Variants in GPC5 observed in about 807,000 individuals in gnomAD.
GPC5 encodes glypican-5.
A neutral mutation model predicts 53.9 loss-of-function variants in GPC5; 47 were observed. That is an observed-to-expected ratio of 0.87 (90% CI 0.69 to 1.11). The LOEUF (loss-of-function observed/expected upper bound fraction) is 1.11. GPC5 is among the 50% of genes most tolerant of loss of function. GPC5 has a pLI of 0.00. For missense variants in GPC5, 748 were observed against 713.1 expected (o/e 1.05, Z -0.56); for synonymous variants, 286 against 263.3 (o/e 1.09, Z -0.84).
intron 3 of GPC5, among the ~76,000 whole-genome samples, chr13:91,721,707 TAG>T (rs545083378): frequency 4.9e-4 from 75 of 152,316 alleles, no homozygotes; most frequent in Middle Eastern, 6.8e-3. Context: ...TCTTCTATTT[TAG>T]AGTTGTTCTC....
intron 6 of GPC5, among the ~76,000 whole-genome samples, chr13:92,004,975 A>G (rs2040593195): frequency 6.6e-6 from 1 of 152,170 alleles, no homozygotes; most frequent in African/African-American, 2.4e-5. Flanking sequence ...CCACACTGGC[A>G]GCTGATTAGA....
At chr13:91,728,721 C>T in intron 4 of GPC5, 56 bp downstream of exon 4, 1 of 1,527,646 alleles carries the variant, frequency 6.5e-7, no homozygotes, top group Non-Finnish European at 8.9e-7. Flanking sequence ...ATTAATTTTA[C>T]AACAGAATAG....
intron 7 of GPC5, among the ~76,000 whole-genome samples, chr13:92,602,203 T>C (rs1884082631): frequency 1.6e-5 from 2 of 126,634 alleles, no homozygotes; most frequent in Admixed American, 1.8e-4. Context: ...TATAAATATA[T>C]ATATTACATA....
intron 7 of GPC5, among the ~76,000 whole-genome samples, chr13:92,378,593 A>G (rs184535252): frequency 1.3e-5 from 2 of 152,348 alleles, no homozygotes; most frequent in African/African-American, 4.8e-5. Context: ...CAAAACCATG[A>G]TAGAACTTTT....
intron 7 of GPC5, among the ~76,000 whole-genome samples, chr13:92,184,232 C>T (rs1460599582): frequency 6.6e-6 from 1 of 152,072 alleles, no homozygotes; most frequent in African/African-American, 2.4e-5. Context: ...CATAAGAAAT[C>T]TCTCATTAAT....
At chr13:92,118,427 G>A (rs1250422881) in intron 6 of GPC5, among the ~76,000 whole-genome samples, 1 of 152,116 alleles carries the variant, frequency 6.6e-6, no homozygotes, top group Non-Finnish European at 1.5e-5. Flanking sequence ...GATGATGAGA[G>A]AGATTCTCTC....
intron 7 of GPC5, among the ~76,000 whole-genome samples, chr13:92,634,138 A>G (rs1566333279): frequency 6.6e-6 from 1 of 152,048 alleles, no homozygotes; most frequent in Non-Finnish European, 1.5e-5. Context: ...GGAATGCTCA[A>G]TTCAATTTGC....
chr13:91,520,674 G>GTGTATATATATGTGTGTATATA (rs1164203392), intron 2 of GPC5, among the ~76,000 whole-genome samples: 2 of 151,794 alleles, frequency 1.3e-5, no homozygotes, highest in African/African-American at 2.4e-5. Context: ...GTATATATGT[G>GTGTATATATATGTGTGTATATA]TGTATATATA....
chr13:91,579,364 C>G (rs1293329649), intron 2 of GPC5, among the ~76,000 whole-genome samples: 1 of 152,166 alleles, frequency 6.6e-6, no homozygotes, highest in Non-Finnish European at 1.5e-5. Flanking sequence ...CGGACCATAA[C>G]TTTACCCATG....
At chr13:92,426,263 T>TATACCCATGGTGA (rs1431133811) in intron 7 of GPC5, among the ~76,000 whole-genome samples, 1 of 152,080 alleles carries the variant, frequency 6.6e-6, no homozygotes, top group Non-Finnish European at 1.5e-5. Context: ...CACTCTATAT[T>TATACCCATGGTGA]ATACCCATGG....
At chr13:91,841,745 G>A (rs73609312) in intron 5 of GPC5, among the ~76,000 whole-genome samples, 4,155 of 152,238 alleles carry the variant, frequency 0.027, 195 homozygotes, top group African/African-American at 0.094. Flanking sequence ...AAGAAAGGAT[G>A]GGAGGAAGGA....
intron 5 of GPC5, among the ~76,000 whole-genome samples, chr13:91,897,496 G>A (rs1391107539): frequency 6.6e-6 from 1 of 152,044 alleles, no homozygotes; most frequent in Non-Finnish European, 1.5e-5. Context: ...TCAGAGAGGT[G>A]TTCATAATGA....
chr13:91,538,130 T>C (rs1886672203), intron 2 of GPC5, among the ~76,000 whole-genome samples: 1 of 152,234 alleles, frequency 6.6e-6, no homozygotes, highest in Non-Finnish European at 1.5e-5. Flanking sequence ...CATTTGTCCA[T>C]AGATTAGAGG....
intron 6 of GPC5, among the ~76,000 whole-genome samples, chr13:91,949,912 A>G (rs2040010170): frequency 6.6e-6 from 1 of 152,224 alleles, no homozygotes; most frequent in Non-Finnish European, 1.5e-5. Flanking sequence ...GTCTTTAGCT[A>G]ACAGGAACCT....
chr13:92,752,834 G>C (rs1331683559), intron 7 of GPC5, among the ~76,000 whole-genome samples: 1 of 152,160 alleles, frequency 6.6e-6, no homozygotes, highest in African/African-American at 2.4e-5. Context: ...GGCTCGGAGG[G>C]ACCTACGCCC....
chr13:92,652,551 C>G (rs570436912), intron 7 of GPC5, among the ~76,000 whole-genome samples: 4 of 152,134 alleles, frequency 2.6e-5, no homozygotes, highest in African/African-American at 7.2e-5. Context: ...CCTTCCTGAC[C>G]GTGGTGGACA....
intron 2 of GPC5, among the ~76,000 whole-genome samples, chr13:91,513,467 G>A (rs930516406): frequency 3.3e-5 from 5 of 152,052 alleles, no homozygotes; most frequent in Non-Finnish European, 5.9e-5. Context: ...TGGGCTGGGC[G>A]CGGTGGCTCA....
chr13:92,003,325 CAAAAA>C (rs57075719), intron 6 of GPC5, among the ~76,000 whole-genome samples: 4 of 100,194 alleles, frequency 4.0e-5, no homozygotes, highest in Non-Finnish European at 4.2e-5. Context: ...TGTCTTAACA[CAAAAA>C]AAAAAAAAAA....
At chr13:92,151,125 C>T (rs2041904749) in intron 7 of GPC5, among the ~76,000 whole-genome samples, 1 of 152,052 alleles carries the variant, frequency 6.6e-6, no homozygotes, top group Non-Finnish European at 1.5e-5. Context: ...TCTTTAATGA[C>T]TTCAGTCCCT....
Sources: allele counts gnomAD v4.1 joint callset (sites outside exome capture counted in the v4.1 genomes callset), GRCh38; gene constraint gnomAD v4.1.1; transcripts MANE v1.5; gene names NCBI Gene and HGNC (gene_info 2026-07-23, HGNC 2026-07-21).